ANAPC5: variants seen among roughly 807,000 people sequenced by gnomAD.
ANAPC5 encodes anaphase-promoting complex subunit 5.
In ANAPC5, 60 loss-of-function variants were observed where a neutral mutation model predicts 91.3. That is an observed-to-expected ratio of 0.66 (90% confidence interval 0.53 to 0.81). The LOEUF is 0.81. Among genes scored for constraint, ANAPC5 ranks in the 40% least tolerant of loss-of-function variants. The probability of loss-of-function intolerance (pLI) is 0.00; values close to 1 mark genes in which losing one functional copy is unlikely to be tolerated. For missense variants in ANAPC5, 690 were observed against 931.5 expected (o/e 0.74, Z 3.37); for synonymous variants, 340 against 364.1 (o/e 0.93, Z 0.75).
chr12:121,336,972 C>T (rs1377930686), intron 6 of ANAPC5, among the ~76,000 whole-genome samples: 14 of 152,208 alleles, frequency 9.2e-5, no homozygotes, highest in Admixed American at 9.2e-4. Context: ...GTAATCCCAA[C>T]ACTTTGGGAG....
chr12:121,316,732 C>CAAA lies in ANAPC5; in HGVS notation c.1893+1542_1893+1544dup, dbSNP rs35989752. ...TGGGTGACAGAGCGAGACTCTGTCT[C>CAAA]AAAAAAAAAAAAAAAAAAAAAAAAA... On this transcript the variant is annotated intron_variant, in intron 15 of 16. Coordinates refer to ENST00000261819, the MANE Select transcript of ANAPC5 (RefSeq NM_016237.5). Among the ~76,000 whole-genome samples, 37 of 28,938 alleles carry CAAA rather than the reference C, an allele frequency of 1.3e-3. 1 individual carries two copies. The highest frequency in any genetic ancestry group is 2.3e-3 in the African/African-American group (18 of 7,934). The allele number at this position is 28,938 out of a possible 152,430, so 19.0% of individuals were successfully genotyped here.
In ANAPC5 at chr12:121,318,288, C is replaced by T. The variant is rs1219849691; in HGVS notation, c.1882G>A (p.Ala628Thr). ...YLASETVLNL[A>T]FAQLILGIPE... ...AGAGATCGGCTTACCTGCGCAAAAG[C>T]CAAGTTCAGCACTGTTTCAGAGGCC... Residue 628 changes from alanine to threonine, a missense_variant, in exon 15 of 17, where the codon GCT becomes ACT. Physicochemically the swap from Ala to Thr is moderately conservative, Grantham distance 58. This residue lies in a region of ANAPC5 where 317 missense variants were observed against 438.7 expected (regional missense o/e 0.72). Transcript: ENST00000261819. 2 of 1,532,710 alleles carry T rather than the reference C, an allele frequency of 1.3e-6. No homozygotes were observed. The highest frequency in any genetic ancestry group is 1.8e-6 in the Non-Finnish European group (2 of 1,141,342). 94.9% of individuals were successfully genotyped at this position (1,532,710 alleles called of 1,614,324 possible).
upstream of ANAPC5, among the ~76,000 whole-genome samples, chr12:121,353,434 C>CCTTTTGTTTT (rs1419835361): frequency 1.5e-5 from 1 of 66,448 alleles, no homozygotes; most frequent in Non-Finnish European, 5.3e-5. Context: ...GTGCCTTGTG[C>CCTTTTGTTTT]CTTTTGTTTT....
At chr12:121,314,302 G>C (rs1171185298) in intron 15 of ANAPC5, among the ~76,000 whole-genome samples, 1 of 152,126 alleles carries the variant, frequency 6.6e-6, no homozygotes, top group African/African-American at 2.4e-5. Flanking sequence ...GGGAAGCTGA[G>C]GCACAAGAAC....
chr12:121,310,313 A>C (rs1156463206), intron 15 of ANAPC5: 2 of 153,070 alleles, frequency 1.3e-5, no homozygotes, highest in Non-Finnish European at 2.9e-5. Flanking sequence ...TAATCCCAAC[A>C]CTTTGGGAGC....
upstream of ANAPC5, among the ~76,000 whole-genome samples, chr12:121,352,718 T>TTGTTGTTGTTGTTGG (rs71079056): frequency 3.0e-3 from 309 of 102,436 alleles, 5 homozygotes; most frequent in African/African-American, 8.2e-3. Flanking sequence ...GTTGTTGTTG[T>TTGTTGTTGTTGTTGG]TGGTGGTGGT....
intron 3 of ANAPC5, 29 bp downstream of exon 3, chr12:121,346,865 ACT>A (rs1555274740): frequency 5.7e-6 from 8 of 1,397,374 alleles, no homozygotes; most frequent in Non-Finnish European, 6.9e-6. Flanking sequence ...CAATGAAAAT[ACT>A]CTCTGCTCTT....
intron 10 of ANAPC5, chr12:121,327,499 A>G: frequency 2.9e-6 from 1 of 341,466 alleles, no homozygotes; most frequent in South Asian, 2.8e-5. Flanking sequence ...CCCCCACCCC[A>G]TGTTCCCTGC....
intron 9 of ANAPC5, among the ~76,000 whole-genome samples, chr12:121,329,967 C>T (rs569368338): frequency 4.6e-5 from 7 of 152,266 alleles, no homozygotes; most frequent in Non-Finnish European, 7.4e-5. Flanking sequence ...CTATAATTCA[C>T]GGCCTTCCCT....
chr12:121,331,021 C>G (rs1903022854), intron 8 of ANAPC5: 1 of 391,736 alleles, frequency 2.6e-6, no homozygotes, highest in South Asian at 3.0e-5. Flanking sequence ...TTTGCTATTA[C>G]AGGACAACAT....
chr12:121,330,445 C>T (rs2280067), intron 9 of ANAPC5, 138 bp downstream of exon 9: 514,262 of 628,540 alleles, frequency 0.82, 219,842 homozygotes, highest in Non-Finnish European at 0.9. Context: ...TAATTAAAGT[C>T]ATATGAAACT....
At chr12:121,321,297 T>C (rs953728824) in intron 11 of ANAPC5, among the ~76,000 whole-genome samples, 3 of 150,288 alleles carry the variant, frequency 2.0e-5, no homozygotes, top group Admixed American at 2.0e-4. Flanking sequence ...ATATCCATTC[T>C]AGAAAAACAC....
rs114872735 is a variant in ANAPC5, at chr12:121,308,603, G to A, written c.2145C>T (p.Tyr715=). ...DCKERIRDVV[Y]FQARLYHTLG... ...GGGTATGGTAGAGTCTGGCCTGGAA[G>A]TAAACGACGTCCCTGATGCGCTCTT... is the stretch of plus-strand genomic sequence containing the variant. The change falls in exon 17 of 17, where the codon TAC becomes TAT. Residue 715 remains tyrosine, a synonymous_variant. Coordinates refer to ENST00000261819, the MANE Select transcript of ANAPC5 (RefSeq NM_016237.5). 4.4e-4 allele frequency: 710 copies of A among 1,614,160 alleles called. 9 individuals carry two copies. The East Asian group carries it at 0.013, about 30-fold the overall frequency.
chr12:121,352,277 T>C lies in ANAPC5; in HGVS notation c.64A>G (p.Asn22Asp). ...ACCCAGTCCTTGATGCCGAACACAT[T>C]GGCGTGCACAACCCCATTGGTCATC... Reference protein sequence around the residue: ...PMMTNGVVHANVFGIKDWVTP... With the variant: ...PMMTNGVVHADVFGIKDWVTP... The change falls in exon 1 of 17, where the codon AAT (asparagine) becomes GAT (aspartate). Residue 22 changes from asparagine (N) to aspartate (D), a missense_variant. By Grantham distance (23) the Asn-to-Asp change is conservative. Coordinates refer to ENST00000261819, the MANE Select transcript of ANAPC5 (RefSeq NM_016237.5). The C allele has an allele frequency of 1.2e-6, 2 of 1,614,032 alleles. No homozygotes were observed. The highest frequency in any genetic ancestry group is 1.7e-6 in the Non-Finnish European group (2 of 1,179,940).
intron 1 of ANAPC5, among the ~76,000 whole-genome samples, chr12:121,349,581 A>T (rs1903805693): frequency 6.6e-6 from 1 of 151,930 alleles, no homozygotes; most frequent in Non-Finnish European, 1.5e-5. Flanking sequence ...AAATTAAAAA[A>T]AAAATAAATT....
intron 9 of ANAPC5, among the ~76,000 whole-genome samples, chr12:121,330,365 T>A (rs1902998371): frequency 6.6e-6 from 1 of 152,220 alleles, no homozygotes; most frequent in African/African-American, 2.4e-5. Flanking sequence ...TAAAGGGAAT[T>A]TCCACAGATG....
intron 1 of ANAPC5, chr12:121,351,283 G>A: frequency 3.1e-6 from 1 of 319,830 alleles, no homozygotes; most frequent in Admixed American, 4.5e-5. Flanking sequence ...TGAGGTGGGA[G>A]GATCACCTGA....
chr12:121,327,347 C>T, intron 10 of ANAPC5, 116 bp from the exon 11 acceptor site: 3 of 1,331,758 alleles, frequency 2.3e-6, no homozygotes, highest in Admixed American at 2.8e-5. Flanking sequence ...CAGGCTCTGG[C>T]TTTCTTGGGA....
At chr12:121,339,574 G>A (rs1350665857) in intron 5 of ANAPC5, among the ~76,000 whole-genome samples, 2 of 152,120 alleles carry the variant, frequency 1.3e-5, no homozygotes, top group African/African-American at 2.4e-5. Flanking sequence ...GGGTTCAAGC[G>A]ATTCTTCTGC....
Sources: gnomAD v4.1 joint callset for allele counts (sites outside exome capture counted in the v4.1 genomes callset) on GRCh38, gnomAD v4.1.1 for gene constraint, gnomAD v4.1.1 regional missense constraint, MANE v1.5 for transcripts, NCBI Gene and HGNC (gene_info 2026-07-23, HGNC 2026-07-21) for gene names.